Variants in CYB5B observed in about 807,000 individuals in gnomAD.
The protein encoded by CYB5B is cytochrome b5 type B (outer mitochondrial membrane).
In CYB5B, 14 loss-of-function variants were observed where a neutral mutation model predicts 21.3. That is an observed-to-expected ratio of 0.66 (90% CI 0.43 to 1.03). The LOEUF (loss-of-function observed/expected upper bound fraction) is 1.03. CYB5B is among the 50% of genes least tolerant of loss of function. CYB5B has a pLI of 0.00. For synonymous variants in CYB5B, 69 were observed against 68.4 expected (o/e 1.01, Z -0.04); for missense variants, 166 against 185.1 (o/e 0.90, Z 0.60).
At chr16:69,446,153 A>G (rs1184570293) in intron 1 of CYB5B, among the ~76,000 whole-genome samples, 2 of 152,058 alleles carry the variant, frequency 1.3e-5, no homozygotes, top group African/African-American at 2.4e-5. Context: ...TTATATGCTT[A>G]TCTCATTTAA....
chr16:69,438,066 A>G (rs2014779231), intron 1 of CYB5B, among the ~76,000 whole-genome samples: 1 of 151,792 alleles, frequency 6.6e-6, no homozygotes, highest in African/African-American at 2.4e-5. Context: ...ATAACTCCCT[A>G]TTTCCCCCTC....
chr16:69,429,369 TC>T (rs1440486385), intron 1 of CYB5B, among the ~76,000 whole-genome samples: 2 of 152,166 alleles, frequency 1.3e-5, no homozygotes. Context: ...TGCTGATTGG[TC>T]CATTTTACAG....
chr16:69,459,274 C>A (rs1220840651), intron 4 of CYB5B, 153 bp downstream of exon 4: 4 of 1,001,946 alleles, frequency 4.0e-6, no homozygotes, highest in African/African-American at 1.7e-5. Context: ...TGTTCCTTGA[C>A]ATTAGAAAAA....
chr16:69,441,541 T>C (rs1231251845), intron 1 of CYB5B, among the ~76,000 whole-genome samples: 1 of 152,340 alleles, frequency 6.6e-6, no homozygotes, highest in East Asian at 1.9e-4. Context: ...ACAGTGCTCA[T>C]TATGCAAATT....
At chr16:69,451,733 C>T (rs960824991) in intron 3 of CYB5B, among the ~76,000 whole-genome samples, 1 of 151,628 alleles carries the variant, frequency 6.6e-6, no homozygotes, top group African/African-American at 2.4e-5. Flanking sequence ...GGGCGGATCA[C>T]GAGGTCAGGA....
chr16:69,442,363 AT>A (rs1031347482), intron 1 of CYB5B, among the ~76,000 whole-genome samples: 1 of 152,068 alleles, frequency 6.6e-6, no homozygotes, highest in African/African-American at 2.4e-5. Flanking sequence ...AATGTAAAAC[AT>A]TTTTTAAATG....
In CYB5B at chr16:69,464,052, G is replaced by A. The variant is rs557115416; in HGVS notation, c.*1532G>A. On this transcript the variant is annotated 3_prime_UTR_variant, in exon 5 of 5. Coordinates refer to ENST00000307892, the MANE Select transcript of CYB5B (RefSeq NM_030579.3). ...GCAGGGAGCAGCTTGGTTCAAGAAG[G>A]ACCATAGAGGCTGCTCAGCATCTCC... The A allele has an allele frequency of 2.0e-5, 3 of 152,294 alleles. No homozygotes were observed. The highest frequency in any genetic ancestry group is 4.1e-4 in the South Asian group (2 of 4,822). 9.4% of individuals were successfully genotyped at this position (152,294 alleles called of 1,614,324 possible). A position where few individuals can be genotyped will look rare whatever the true frequency, so the allele number is the denominator to read the frequency against.
In CYB5B at chr16:69,424,871, G is replaced by T; in HGVS notation, c.174+14G>T. The T allele has an allele frequency of 1.3e-6, 2 of 1,558,658 alleles. No homozygotes were observed. Among genetic ancestry groups the T allele is most frequent in the East Asian group, 4.8e-5 (2 of 41,766 alleles). ...TTCCTCAACGAGGTGGGGCCTGGGA[G>T]GTGGGAGGCCTCTGAAGCTGCTGGG... On this transcript the variant is annotated intron_variant, in intron 1 of 4. Transcript: ENST00000307892.
chr16:69,447,741 G>A (rs2014892121), intron 2 of CYB5B, among the ~76,000 whole-genome samples: 2 of 152,028 alleles, frequency 1.3e-5, no homozygotes, highest in East Asian at 1.9e-4. Context: ...CTAGGATATA[G>A]CTTCTTCTTT....
chr16:69,435,156 T>A (rs1567471042), intron 1 of CYB5B, among the ~76,000 whole-genome samples: 1 of 152,176 alleles, frequency 6.6e-6, no homozygotes, highest in Non-Finnish European at 1.5e-5. Flanking sequence ...GGAAATAAGC[T>A]CTGTAAAGGC....
At chr16:69,441,279 G>C (rs1597282272) in intron 1 of CYB5B, among the ~76,000 whole-genome samples, 1 of 151,114 alleles carries the variant, frequency 6.6e-6, no homozygotes, top group Non-Finnish European at 1.5e-5. Context: ...TCAGCCTCCT[G>C]AGTAGCTGGG....
chr16:69,457,285 G>C lies in CYB5B; in HGVS notation c.334-1808G>C, dbSNP rs565275243. ...GATTGTAAAAGAGGCTAAAAGCTTT[G>C]AAATTTAGAGAATCCATTTATATGA... On this transcript the variant is annotated intron_variant, in intron 3 of 4. Coordinates refer to ENST00000307892, the MANE Select transcript of CYB5B (RefSeq NM_030579.3). 1.7e-3 allele frequency among the ~76,000 whole-genome samples: 266 copies of C among 152,250 alleles called. 3 individuals are homozygous for C. The highest frequency in any genetic ancestry group is 6.2e-3 in the African/African-American group (256 of 41,562).
chr16:69,442,755 C>CA (rs1456808669), intron 1 of CYB5B, among the ~76,000 whole-genome samples: 1 of 151,096 alleles, frequency 6.6e-6, no homozygotes, highest in Non-Finnish European at 1.5e-5. Flanking sequence ...TTCCTGGCCT[C>CA]AAGCAATCTT....
rs2015057127 is a variant in CYB5B at position 69,463,569 on chromosome 16, C to A, written c.*1049C>A. On this transcript the variant is annotated 3_prime_UTR_variant, in exon 5 of 5. Transcript: ENST00000307892. Reference sequence around the variant, plus strand: ...TGTAGAGCTTTACCAAGGAGTTTCCCTCCTTTTTTGTTTGTTGATTAGCAA... The same window carrying A: ...TGTAGAGCTTTACCAAGGAGTTTCCATCCTTTTTTGTTTGTTGATTAGCAA... 1 of 152,106 alleles carries A rather than the reference C, an allele frequency of 6.6e-6. No individual in the cohort carries two copies. The highest frequency in any genetic ancestry group is 6.5e-5 in the Admixed American group (1 of 15,272). The allele number at this position is 152,106 out of a possible 1,614,324, so 9.4% of individuals were successfully genotyped here. A position where few individuals can be genotyped will look rare whatever the true frequency, so the allele number is the denominator to read the frequency against.
chr16:69,452,697 T>C (rs2014947575), intron 3 of CYB5B, among the ~76,000 whole-genome samples: 1 of 151,458 alleles, frequency 6.6e-6, no homozygotes. Flanking sequence ...TATTCATCAT[T>C]ATTTCTTGTC....
chr16:69,426,506 A>C (rs1457873359), intron 1 of CYB5B, among the ~76,000 whole-genome samples: 2 of 151,674 alleles, frequency 1.3e-5, no homozygotes, highest in Admixed American at 1.3e-4. Flanking sequence ...AGAGTTCCAG[A>C]CCAGCCTGAC....
At chr16:69,450,307 C>T (rs769868991) in intron 3 of CYB5B, 51 of 151,478 alleles carry the variant, frequency 3.4e-4, no homozygotes, top group Non-Finnish European at 5.3e-4. Flanking sequence ...TTTAAGCTCA[C>T]CAAGTTCTAT....
Position 69,448,115 on chromosome 16 carries a change from AG to A in CYB5B, c.305del (p.Ser102MetfsTer30). 1 of 1,610,396 alleles carries A rather than the reference AG, an allele frequency of 6.2e-7. No homozygotes were observed. The highest frequency in any genetic ancestry group is 1.1e-5 in the South Asian group (1 of 90,030). On this transcript the variant is annotated frameshift_variant and splice_region_variant, in exon 3 of 5. Coordinates refer to ENST00000307892, the MANE Select transcript of CYB5B (RefSeq NM_030579.3). LOFTEE classifies it high-confidence loss of function. ...TTATTTGTTTTCCTTTTTTTGACAG[AG>A]TGACCTTAAACCTGAAAGTGGTAGC... ...KQYYIGDIHP[S>X]DLKPESGSKD...
At chr16:69,444,493 A>G (rs1490393181) in intron 1 of CYB5B, among the ~76,000 whole-genome samples, 3 of 152,140 alleles carry the variant, frequency 2.0e-5, no homozygotes, top group Non-Finnish European at 2.9e-5. Flanking sequence ...CCCTGCATCC[A>G]TTTGATTTTC....
Sources: gnomAD v4.1 joint callset for allele counts (sites outside exome capture counted in the v4.1 genomes callset) on GRCh38, gnomAD v4.1.1 for gene constraint, MANE v1.5 for transcripts, NCBI Gene and HGNC (gene_info 2026-07-23, HGNC 2026-07-21) for gene names.